The following MTMR3 variants were observed in gnomAD, a reference collection of about 807,000 sequenced individuals.
The protein encoded by MTMR3 is myotubularin related protein 3.
MTMR3 carries 32 observed loss-of-function variants against 132.4 expected under a neutral mutation model. The observed-to-expected ratio is 0.24, with a 90% CI of 0.18 to 0.32. The LOEUF is 0.32. Ranked by LOEUF, MTMR3 falls within the 10% of genes least tolerant of loss-of-function variation. The pLI is 1.00. For missense variants in MTMR3, 1,216 were observed against 1,489.6 expected, an observed-to-expected ratio of 0.82 and a Z score of 3.02; for synonymous variants, 556 against 550.3, an observed-to-expected ratio of 1.01 and a Z score of -0.14.
At chr22:29,932,929 G>A (rs533821411) in intron 1 of MTMR3, among the ~76,000 whole-genome samples, 2 of 152,002 alleles carry the variant, frequency 1.3e-5, no homozygotes, top group South Asian at 4.1e-4. Context: ...GTGCCCCTTT[G>A]CCTCTAAATA....
At chr22:29,955,143 C>T (rs2066163108) in intron 1 of MTMR3, among the ~76,000 whole-genome samples, 1 of 152,116 alleles carries the variant, frequency 6.6e-6, no homozygotes, top group African/African-American at 2.4e-5. Flanking sequence ...GTGTGTACTG[C>T]TATGCCCAGC....
At chr22:30,006,057 T>C (rs558798098) in intron 9 of MTMR3, 6 of 152,264 alleles carry the variant, frequency 3.9e-5, no homozygotes, top group Non-Finnish European at 8.8e-5. Flanking sequence ...TGTGACTGAC[T>C]TCTTTCACTT....
intron 11 of MTMR3, chr22:30,008,451 T>A (rs1461379750): frequency 5.9e-6 from 1 of 169,052 alleles, no homozygotes; most frequent in Non-Finnish European, 1.3e-5. Context: ...GGGGTGAAAA[T>A]TGAAGCAGTA....
intron 1 of MTMR3, among the ~76,000 whole-genome samples, chr22:29,906,310 A>ATCTG (rs2065101172): frequency 9.0e-6 from 1 of 111,168 alleles, no homozygotes; most frequent in African/African-American, 2.9e-5. Context: ...CTATCTATCT[A>ATCTG]TCTATCTATC....
At chr22:30,007,756 A>G (rs2067304896) in intron 10 of MTMR3, 145 bp from the exon 11 acceptor site, 1 of 966,954 alleles carries the variant, frequency 1.0e-6, no homozygotes, top group Non-Finnish European at 1.5e-6. Context: ...AAAAAGAGAA[A>G]AATCCTATGT....
At chr22:30,011,899 C>T (rs2145948710) in intron 12 of MTMR3, 1 of 156,332 alleles carries the variant, frequency 6.4e-6, no homozygotes, top group South Asian at 1.9e-4. Flanking sequence ...CAGCTTATGT[C>T]TCATAGATAT....
chr22:29,932,616 A>G lies in MTMR3; in HGVS notation c.-137-24420A>G, dbSNP rs560194826. On this transcript the variant is annotated intron_variant, in intron 1 of 19. Transcript: ENST00000401950. ...ACTTTACCTGGGACTAGAGTACAAC[A>G]TTTTTTAAAAAAATGTGGATTTTGC... Among the ~76,000 whole-genome samples the G allele has an allele frequency of 3.9e-5, 6 of 152,248 alleles. No individual in the cohort carries two copies. In the East Asian group the frequency reaches 5.8e-4, roughly 15 times the overall value.
At chr22:29,938,758 CT>C (rs1442458172) in intron 1 of MTMR3, among the ~76,000 whole-genome samples, 3 of 152,160 alleles carry the variant, frequency 2.0e-5, no homozygotes, top group Non-Finnish European at 4.4e-5. Flanking sequence ...TCAGGACCAG[CT>C]GCATAATTTA....
intron 2 of MTMR3, among the ~76,000 whole-genome samples, chr22:29,960,103 G>A (rs2066280968): frequency 6.6e-6 from 1 of 152,028 alleles, no homozygotes; most frequent in East Asian, 1.9e-4. Context: ...TAGGTTTGAA[G>A]AGAAAGATGT....
At chr22:30,019,392 G>A in intron 16 of MTMR3, 88 bp from the exon 17 acceptor site, 5 of 1,290,028 alleles carry the variant, frequency 3.9e-6, no homozygotes, top group Non-Finnish European at 5.3e-6. Flanking sequence ...ACCCAGTTAT[G>A]AAACAACTGC....
At chr22:29,937,004 A>AC (rs1274551670) in intron 1 of MTMR3, among the ~76,000 whole-genome samples, 3 of 151,918 alleles carry the variant, frequency 2.0e-5, no homozygotes, top group African/African-American at 4.8e-5. Context: ...CTTATATTTT[A>AC]CCCCCCTTTT....
At chr22:29,883,703 C>G (rs534817763) in intron 1 of MTMR3, among the ~76,000 whole-genome samples, 2 of 152,176 alleles carry the variant, frequency 1.3e-5, no homozygotes, top group African/African-American at 4.8e-5. Flanking sequence ...TCGGAGCGCC[C>G]GGAGTTATTC....
chr22:29,943,536 A>G (rs926295137), intron 1 of MTMR3, among the ~76,000 whole-genome samples: 1 of 152,048 alleles, frequency 6.6e-6, no homozygotes, highest in African/African-American at 2.4e-5. Flanking sequence ...CTTTTAGTAT[A>G]TAAGTTTATA....
rs1280735671 is a variant in MTMR3, at chr22:30,020,108, A to G, written c.2449A>G (p.Lys817Glu). 2 of 1,614,168 alleles carry G rather than the reference A, an allele frequency of 1.2e-6. No individual in the cohort carries two copies. The highest frequency in any genetic ancestry group is 1.1e-5 in the South Asian group (1 of 91,078). ...EAVLPIPVDAKVGYGTSQSCS... is the reference protein window; with the variant it reads ...EAVLPIPVDAEVGYGTSQSCS... Reference sequence around the variant, plus strand: ...AGTTCTTCCAATCCCAGTAGATGCAAAAGTTGGCTATGGTACCTCACAGTC... The same window carrying G: ...AGTTCTTCCAATCCCAGTAGATGCAGAAGTTGGCTATGGTACCTCACAGTC... Residue 817 changes from lysine to glutamate, a missense_variant, in exon 17 of 20, where the codon AAA becomes GAA. Physicochemically the swap from Lys to Glu is moderately conservative, Grantham distance 56. Around this residue, in one of 7 missense-constraint regions of MTMR3, gnomAD observed 852 missense variants for 852.0 expected, o/e 1.00. Coordinates refer to ENST00000401950, the MANE Select transcript of MTMR3 (RefSeq NM_021090.4).
intron 1 of MTMR3, among the ~76,000 whole-genome samples, chr22:29,886,803 G>T (rs1259917683): frequency 6.6e-6 from 1 of 152,172 alleles, no homozygotes; most frequent in African/African-American, 2.4e-5. Flanking sequence ...TTGGCTTAGT[G>T]TTGAAATCAA....
intron 1 of MTMR3, among the ~76,000 whole-genome samples, chr22:29,917,311 C>G (rs969392772): frequency 3.3e-5 from 5 of 152,190 alleles, no homozygotes; most frequent in Non-Finnish European, 5.9e-5. Flanking sequence ...CCTGATAACC[C>G]AAGAAAAGAT....
intron 8 of MTMR3, chr22:29,999,592 C>A (rs2067127304): frequency 6.6e-6 from 1 of 152,248 alleles, no homozygotes; most frequent in African/African-American, 2.4e-5. Context: ...TGTCAGCACT[C>A]AAAGTTTTGG....
intron 19 of MTMR3, chr22:30,023,349 C>T: frequency 1.8e-6 from 2 of 1,119,678 alleles, no homozygotes; most frequent in Non-Finnish European, 2.7e-6. Flanking sequence ...GGAACAGTCT[C>T]TTTGCCTAGT....
chr22:30,018,193 CT>C (rs2067648200), intron 16 of MTMR3, 121 bp downstream of exon 16: 13 of 1,150,352 alleles, frequency 1.1e-5, no homozygotes, highest in Non-Finnish European at 1.5e-5. Context: ...TTTCTTAGGT[CT>C]CTGCAGTTTT....
Sources: allele counts gnomAD v4.1 joint callset (sites outside exome capture counted in the v4.1 genomes callset), GRCh38; gene constraint gnomAD v4.1.1; regional missense constraint gnomAD v4.1.1; transcripts MANE v1.5; gene names NCBI Gene and HGNC (gene_info 2026-07-23, HGNC 2026-07-21).